TLL2: variants seen among roughly 807,000 people sequenced by gnomAD.
TLL2 encodes the protein tolloid like 2.
A neutral mutation model predicts 123.0 loss-of-function variants in TLL2; 106 were observed. That is an observed-to-expected ratio of 0.86 (90% CI 0.74 to 1.01). The LOEUF is 1.01. Among genes scored for constraint, TLL2 ranks in the 50% least tolerant of loss-of-function variants. The pLI, the probability that TLL2 is intolerant of heterozygous loss-of-function variation, is 0.00. For synonymous variants in TLL2, 494 were observed against 516.8 expected (o/e 0.96, Z 0.60); for missense variants, 1,332 against 1,336.7 (o/e 1.00, Z 0.06).
chr10:96,383,620 AT>A (rs1198541726), intron 16 of TLL2, among the ~76,000 whole-genome samples: 3 of 151,228 alleles, frequency 2.0e-5, no homozygotes, highest in Non-Finnish European at 2.9e-5. Flanking sequence ...TTCATTTTTT[AT>A]TTTTTATTTT....
chr10:96,387,498 A>G (rs1282164685), intron 13 of TLL2, among the ~76,000 whole-genome samples: 1 of 152,250 alleles, frequency 6.6e-6, no homozygotes, highest in African/African-American at 2.4e-5. Flanking sequence ...AAGGGTGAAG[A>G]CAAAGAAAAC....
chr10:96,387,154 G>A (rs780963820), intron 13 of TLL2, 76 bp from the exon 14 acceptor site: 39 of 1,571,166 alleles, frequency 2.5e-5, no homozygotes, highest in African/African-American at 2.7e-5. Context: ...GCATATCCCA[G>A]TGTCACCAGC....
intron 2 of TLL2, among the ~76,000 whole-genome samples, chr10:96,447,524 G>A (rs147690141): frequency 1.3e-5 from 2 of 152,052 alleles, no homozygotes; most frequent in Non-Finnish European, 2.9e-5. Flanking sequence ...GGCAGAGCTC[G>A]CAGGTAGGGC....
intron 10 of TLL2, among the ~76,000 whole-genome samples, chr10:96,399,985 G>A (rs1846378204): frequency 6.6e-6 from 1 of 152,198 alleles, no homozygotes; most frequent in South Asian, 2.1e-4. Context: ...ACTAGACTTC[G>A]TAGAACAAAT....
chr10:96,503,061 G>A (rs1434132117), intron 1 of TLL2, among the ~76,000 whole-genome samples: 1 of 151,988 alleles, frequency 6.6e-6, no homozygotes, highest in African/African-American at 2.4e-5. Flanking sequence ...AGGCTGAGAG[G>A]GTACCATGAG....
chr10:96,384,812 AC>A, intron 15 of TLL2, 45 bp from the exon 16 acceptor site: 1 of 1,518,486 alleles, frequency 6.6e-7, no homozygotes, highest in Non-Finnish European at 8.9e-7. Context: ...CCCTGTCCCC[AC>A]CCCAGACCCC....
intron 7 of TLL2, among the ~76,000 whole-genome samples, chr10:96,419,802 T>A (rs1332770039): frequency 6.6e-6 from 1 of 152,164 alleles, no homozygotes; most frequent in Non-Finnish European, 1.5e-5. Context: ...GCAAACAGTG[T>A]CCCTTTCACT....
chr10:96,439,788 G>C (rs1212025481), intron 3 of TLL2, among the ~76,000 whole-genome samples: 1 of 152,088 alleles, frequency 6.6e-6, no homozygotes, highest in Non-Finnish European at 1.5e-5. Context: ...AGAATTTCTA[G>C]AACAGAAGTC....
intron 2 of TLL2, among the ~76,000 whole-genome samples, chr10:96,471,692 A>C (rs2025453): frequency 0.78 from 118,660 of 152,094 alleles, 46,548 homozygotes; most frequent in East Asian, 0.91. Flanking sequence ...AGTCCCACAG[A>C]GAATCAGTAC....
intron 2 of TLL2, among the ~76,000 whole-genome samples, chr10:96,461,534 C>A (rs547133913): frequency 2.6e-4 from 40 of 151,968 alleles, no homozygotes; most frequent in African/African-American, 8.5e-4. Flanking sequence ...CCAGGACTCA[C>A]CCTCCTGCCA....
At chr10:96,404,870 G>T (rs914210669) in intron 10 of TLL2, among the ~76,000 whole-genome samples, 5 of 151,962 alleles carry the variant, frequency 3.3e-5, no homozygotes, top group African/African-American at 1.2e-4. Flanking sequence ...ATTTTTAATG[G>T]CTGGGAAGTT....
intron 2 of TLL2, among the ~76,000 whole-genome samples, chr10:96,452,642 A>C (rs559608361): frequency 5.5e-4 from 84 of 152,318 alleles, no homozygotes; most frequent in African/African-American, 1.8e-3. Context: ...TCAATGATTG[A>C]ATGTGCATTT....
intron 1 of TLL2, among the ~76,000 whole-genome samples, chr10:96,501,998 T>C (rs754431508): frequency 1.3e-5 from 2 of 152,146 alleles, no homozygotes; most frequent in East Asian, 1.9e-4. Context: ...CAGTTACAGA[T>C]TGTAAAGAGT....
chr10:96,506,207 G>A (rs541852167), intron 1 of TLL2, among the ~76,000 whole-genome samples: 3 of 122,994 alleles, frequency 2.4e-5, no homozygotes, highest in African/African-American at 9.0e-5. Flanking sequence ...AGCTGAGATC[G>A]TGCCACTGCA....
chr10:96,464,583 G>C (rs1032150389), intron 2 of TLL2, among the ~76,000 whole-genome samples: 2 of 152,018 alleles, frequency 1.3e-5, no homozygotes, highest in Admixed American at 6.6e-5. Context: ...AGAGTGCCCA[G>C]ATGGCAATTA....
Position 96,373,491 on chromosome 10 carries a change from C to A in TLL2, c.2662+105G>T, listed in dbSNP as rs927637626. 4.8e-5 allele frequency: 53 copies of A among 1,112,062 alleles called. 1 individual carries two copies. Among genetic ancestry groups the A allele is most frequent in the Non-Finnish European group, 6.4e-5 (48 of 753,192 alleles). 68.9% of individuals were successfully genotyped at this position (1,112,062 alleles called of 1,614,324 possible). A position where few individuals can be genotyped will look rare whatever the true frequency, so the allele number is the denominator to read the frequency against. On this transcript the variant is annotated intron_variant, in intron 19 of 20. Coordinates refer to ENST00000357947, the MANE Select transcript of TLL2 (RefSeq NM_012465.4). ...TTATCACGCACCTTCCTCCCCTCGC[C>A]CTCCCCCAGTCAGAATAAAAGGCAG...
rs941955014 is a variant in TLL2, at chr10:96,404,251, G to A, written c.1267+981C>T. ...ACTAGAAATACCCACAGGTGTGGAGGGGCAGGCCACCCCTTCATCTCTGGG... is the reference window on the plus strand; with the variant it reads ...ACTAGAAATACCCACAGGTGTGGAGAGGCAGGCCACCCCTTCATCTCTGGG... On this transcript the variant is annotated intron_variant, in intron 10 of 20. Transcript: ENST00000357947. Among the ~76,000 whole-genome samples, 72 of 152,156 alleles carry A rather than the reference G, an allele frequency of 4.7e-4. No homozygotes were observed. The Middle Eastern group carries it at 0.01, about 22-fold the overall frequency.
At chr10:96,385,984 C>G (rs1377264497) in intron 15 of TLL2, 71 bp downstream of exon 15, 96 of 1,421,130 alleles carry the variant, frequency 6.8e-5, no homozygotes, top group Non-Finnish European at 8.9e-5. Context: ...GCCCTCCCAG[C>G]CCCTCACTGG....
chr10:96,499,120 T>G (rs1378398359), intron 1 of TLL2, among the ~76,000 whole-genome samples: 1 of 152,160 alleles, frequency 6.6e-6, no homozygotes, highest in Non-Finnish European at 1.5e-5. Flanking sequence ...ATACCGCAAA[T>G]AGAAGAGGGG....
Sources: allele counts gnomAD v4.1 joint callset (sites outside exome capture counted in the v4.1 genomes callset), GRCh38; gene constraint gnomAD v4.1.1; transcripts MANE v1.5; gene names NCBI Gene and HGNC (gene_info 2026-07-23, HGNC 2026-07-21).